Variants in ZNF43 observed in about 807,000 individuals in gnomAD.
ZNF43 encodes the protein zinc finger protein 39-like 1 (KOX 27).
A neutral mutation model predicts 68.4 loss-of-function variants in ZNF43; 44 were observed. That is an observed-to-expected ratio of 0.64 (90% CI 0.51 to 0.83). ZNF43 has a LOEUF of 0.83. ZNF43 is among the 40% of genes least tolerant of loss of function. The probability of loss-of-function intolerance (pLI) is 0.00; values close to 1 mark genes in which losing one functional copy is unlikely to be tolerated. For synonymous variants in ZNF43, 308 were observed against 307.8 expected (o/e 1.00, Z -0.01); for missense variants, 896 against 933.2 (o/e 0.96, Z 0.52).
rs2036947909 is a variant in ZNF43, at chr19:21,806,490, T to C, written c.*1117A>G. 1 of 152,272 alleles carries C rather than the reference T, an allele frequency of 6.6e-6. No homozygotes were observed. The highest frequency in any genetic ancestry group is 2.4e-5 in the African/African-American group (1 of 41,574). 9.4% of individuals were successfully genotyped at this position (152,272 alleles called of 1,614,324 possible). On this transcript the variant is annotated 3_prime_UTR_variant, in exon 4 of 4. Coordinates refer to ENST00000354959, the MANE Select transcript of ZNF43 (RefSeq NM_003423.4). Reference sequence around the variant, plus strand: ...GCATCTTACACTTTAATATCCTTACTGTTCCATAAAAAATGTTTTAAATAA... The same window carrying C: ...GCATCTTACACTTTAATATCCTTACCGTTCCATAAAAAATGTTTTAAATAA...
Position 21,807,939 on chromosome 19 carries a change from G to A in ZNF43, c.2098C>T (p.His700Tyr), listed in dbSNP as rs1226703594. Residue 700 changes from histidine to tyrosine, a missense_variant, in exon 4 of 4, where the codon CAT becomes TAT. Physicochemically the swap from His to Tyr is moderately conservative, Grantham distance 83. Coordinates refer to ENST00000354959, the MANE Select transcript of ZNF43 (RefSeq NM_003423.4). Reference protein sequence around the residue: ...SSTLSTHKIIHTGEKPYKCEK... With the variant: ...SSTLSTHKIIYTGEKPYKCEK... ...CATTTGTAGGGTTTCTCTCCAGTAT[G>A]AATAATCTTATGTGTAGAAAGGGTT... The A allele has an allele frequency of 6.2e-7, 1 of 1,612,752 alleles. No homozygotes were observed. The highest frequency in any genetic ancestry group is 8.5e-7 in the Non-Finnish European group (1 of 1,179,774).
At chr19:21,839,901 A>G (rs1967398032), upstream of ZNF43, 1 of 152,216 alleles carries the variant, frequency 6.6e-6, no homozygotes, top group South Asian at 2.1e-4. Context: ...GCCCAGCAGT[A>G]TGTCAAAATC....
At chr19:21,829,032 CAAAAAAAAAAAAAAAAAA>C (rs551226809) in intron 1 of ZNF43, among the ~76,000 whole-genome samples, 1 of 38,810 alleles carries the variant, frequency 2.6e-5, no homozygotes, top group South Asian at 1.4e-3. Context: ...GACTCTGTCT[CAAAAAAAAAAAAAAAAAA>C]AAAAAAAAAA....
chr19:21,832,387 A>T (rs924255213), intron 1 of ZNF43, among the ~76,000 whole-genome samples: 2 of 151,800 alleles, frequency 1.3e-5, no homozygotes, highest in Non-Finnish European at 2.9e-5. Context: ...CTCAAAGTGA[A>T]TTAAAGTCTT....
chr19:21,815,486 CATATAT>C (rs58951070), intron 3 of ZNF43, among the ~76,000 whole-genome samples: 2 of 139,514 alleles, frequency 1.4e-5, no homozygotes, highest in South Asian at 4.7e-4. Flanking sequence ...AACTAAATTA[CATATAT>C]ATATATATAT....
chr19:21,807,961 G>C lies in ZNF43; in HGVS notation c.2076C>G (p.Thr692=), dbSNP rs2037036026. The C allele has an allele frequency of 6.2e-7, 1 of 1,612,556 alleles. No individual in the cohort carries two copies. The highest frequency in any genetic ancestry group is 1.7e-5 in the Admixed American group (1 of 59,974). The change falls in exon 4 of 4, where the codon ACC becomes ACG. Residue 692 remains threonine (T), a synonymous_variant. Coordinates refer to ENST00000354959, the MANE Select transcript of ZNF43 (RefSeq NM_003423.4). ...TATGAATAATCTTATGTGTAGAAAGGGTTGAGGACAGTTTAAAAGCTTTGC... is the reference window on the plus strand; with the variant it reads ...TATGAATAATCTTATGTGTAGAAAGCGTTGAGGACAGTTTAAAAGCTTTGC... ...ECGKAFKLSS[T]LSTHKIIHTG...
At chr19:21,848,620 GAT>G (rs1968125666) in intron 1 of ZNF43, among the ~76,000 whole-genome samples, 1 of 151,918 alleles carries the variant, frequency 6.6e-6, no homozygotes, top group Admixed American at 6.6e-5. Context: ...TGGGACCAGT[GAT>G]ATGTTACAAT....
At chr19:21,821,726 GCT>G (rs1237299474) in intron 1 of ZNF43, among the ~76,000 whole-genome samples, 2 of 146,922 alleles carry the variant, frequency 1.4e-5, no homozygotes, top group African/African-American at 2.5e-5. Context: ...TGTAGAGAAG[GCT>G]CTGTTATATA....
Position 21,809,132 on chromosome 19 carries a change from G to C in ZNF43, c.905C>G (p.Thr302Ser). 2 of 1,613,566 alleles carry C rather than the reference G, an allele frequency of 1.2e-6. No individual in the cohort carries two copies. The highest frequency in any genetic ancestry group is 1.3e-5 in the African/African-American group (1 of 75,016). Residue 302 changes from threonine to serine, a missense_variant, in exon 4 of 4, where the codon ACT becomes AGT. Thr to Ser is a moderately conservative substitution (Grantham distance 58). Coordinates refer to ENST00000354959, the MANE Select transcript of ZNF43 (RefSeq NM_003423.4). ...TCCAGGATGAATTTTCTTATGTTCA[G>C]TAAGGTTTGAGGATTGGTTAAAAGC... is the stretch of plus-strand genomic sequence containing the variant. The part of the protein sequence containing the change: ...AKAFNQSSNL[T>S]EHKKIHPGEK...
rs1246770992 is a variant in ZNF43 at position 21,844,917 on chromosome 19, AAAAAATATATAT to A, written c.30+6976_30+6987del. Among the ~76,000 whole-genome samples the A allele has an allele frequency of 3.5e-5, 3 of 85,714 alleles. No homozygotes were observed. In the East Asian group the frequency reaches 8.0e-4, roughly 23 times the overall value. The allele number at this position is 85,714 out of a possible 152,430, so 56.2% of individuals were successfully genotyped here. On this transcript the variant is annotated intron_variant, in intron 1 of 3. Coordinates refer to the ZNF43 transcript ENST00000357491. Reference sequence around the variant, plus strand: ...GTCTCAAAAAAAAAAAAAAAAAAAAAAAAAATATATATATATATATATATATATATGTTACAA... The same window carrying A: ...GTCTCAAAAAAAAAAAAAAAAAAAAAATATATATATATATATATGTTACAA...
In ZNF43 at chr19:21,805,844, T is replaced by C. The variant is rs2036914539; in HGVS notation, c.*1763A>G. On this transcript the variant is annotated 3_prime_UTR_variant, in exon 4 of 4. Coordinates refer to ENST00000354959, the MANE Select transcript of ZNF43 (RefSeq NM_003423.4). ...GTCCATTATGTTACCAAATAGTATATTGTTACCATCTTTTACATACACTCT... is the reference window on the plus strand; with the variant it reads ...GTCCATTATGTTACCAAATAGTATACTGTTACCATCTTTTACATACACTCT... The C allele has an allele frequency of 6.6e-6, 1 of 151,564 alleles. No individual in the cohort carries two copies. The highest frequency in any genetic ancestry group is 2.4e-5 in the African/African-American group (1 of 41,346). The allele number at this position is 151,564 out of a possible 1,614,324, so 9.4% of individuals were successfully genotyped here.
intron 1 of ZNF43, among the ~76,000 whole-genome samples, chr19:21,851,700 A>G (rs1042051860): frequency 2.6e-5 from 4 of 152,168 alleles, no homozygotes; most frequent in Non-Finnish European, 5.9e-5. Flanking sequence ...AGAGCTGACC[A>G]GAGAGCTCCA....
In ZNF43 at chr19:21,808,892, G is replaced by A; in HGVS notation, c.1145C>T (p.Ser382Phe). The A allele has an allele frequency of 6.2e-7, 1 of 1,613,488 alleles. No homozygotes were observed. The highest frequency in any genetic ancestry group is 8.5e-7 in the Non-Finnish European group (1 of 1,179,806). ...TTTCTTATGTTTAGTAAGGTTTGAG[G>A]ACCGGCTAAAAGCTTCACCACATTC... ...CTECGEAFSR[S>F]SNLTKHKKIH... Residue 382 changes from serine (S) to phenylalanine (F), a missense_variant, in exon 4 of 4, where the codon TCC becomes TTC. By Grantham distance (155) the Ser-to-Phe change is radical (BLOSUM62 -2). Transcript: ENST00000354959.
intron 1 of ZNF43, among the ~76,000 whole-genome samples, chr19:21,825,226 CTG>C (rs1381755918): frequency 2.6e-5 from 4 of 151,840 alleles, no homozygotes; most frequent in Non-Finnish European, 4.4e-5. Context: ...AAGAGTGAAA[CTG>C]TCTCAAAAAT....
At chr19:21,846,077 A>G (rs1967930736) in intron 1 of ZNF43, among the ~76,000 whole-genome samples, 1 of 152,170 alleles carries the variant, frequency 6.6e-6, no homozygotes, top group Admixed American at 6.5e-5. Context: ...CCCAGGCAGA[A>G]AAGTCACATC....
intron 1 of ZNF43, among the ~76,000 whole-genome samples, chr19:21,845,884 ACT>A (rs1001122888): frequency 2.8e-5 from 4 of 144,960 alleles, no homozygotes; most frequent in Admixed American, 2.1e-4. Flanking sequence ...CAAGAGCGAA[ACT>A]CTGTCTCAAA....
rs2036916686 is a variant in ZNF43, at chr19:21,805,881, A to G, written c.*1726T>C. On this transcript the variant is annotated 3_prime_UTR_variant, in exon 4 of 4. Coordinates refer to ENST00000354959, the MANE Select transcript of ZNF43 (RefSeq NM_003423.4). ...TTTACATACACTCTTGAGTAAGGTG[A>G]AATAGGTTAAAGTTAGAAGCATAAT... 6.6e-6 allele frequency: 1 copy of G among 152,144 alleles called. No homozygotes were observed. 9.4% of individuals were successfully genotyped at this position (152,144 alleles called of 1,614,324 possible). A position where few individuals can be genotyped will look rare whatever the true frequency, so the allele number is the denominator to read the frequency against.
rs549037617 is a variant in ZNF43 at position 21,821,642 on chromosome 19, C to A, written c.4-2421G>T. ...CCATGTTCAACAACCATGAAAGGAT[C>A]ATTTTTAATATTGCAGTTCATAAAG... On this transcript the variant is annotated intron_variant, in intron 1 of 3. Coordinates refer to ENST00000354959, the MANE Select transcript of ZNF43 (RefSeq NM_003423.4). 2.7e-5 allele frequency among the ~76,000 whole-genome samples: 4 copies of A among 150,064 alleles called. No homozygotes were observed. In the South Asian group the frequency reaches 8.6e-4, roughly 32 times the overall value.
At chr19:21,851,867 G>C in intron 1 of ZNF43, 1 of 1,552,834 alleles carries the variant, frequency 6.4e-7, no homozygotes, top group Non-Finnish European at 8.7e-7. Context: ...TTCACAGCCT[G>C]CTCTCCCCTC....
Sources: allele counts gnomAD v4.1 joint callset (sites outside exome capture counted in the v4.1 genomes callset), GRCh38; gene constraint gnomAD v4.1.1; transcripts MANE v1.5; gene names NCBI Gene and HGNC (gene_info 2026-07-23, HGNC 2026-07-21).